MNS1: variants seen among roughly 807,000 people sequenced by gnomAD.
MNS1 encodes meiosis-specific nuclear structural protein 1.
MNS1 carries 63 observed loss-of-function variants against 72.0 expected under a neutral mutation model. The observed-to-expected ratio is 0.87, with a 90% CI of 0.71 to 1.08. MNS1 has a LOEUF of 1.08. MNS1 is among the 50% of genes least tolerant of loss of function. MNS1 has a pLI of 0.00. For synonymous variants in MNS1, 188 were observed against 172.1 expected (o/e 1.09, Z -0.72); for missense variants, 604 against 562.4 (o/e 1.07, Z -0.75).
At position 56,464,104 on chromosome 15, in the gene MNS1, G is replaced by T; in HGVS notation, c.147C>A (p.Asn49Lys). Residue 49 changes from asparagine to lysine, a missense_variant, in exon 2 of 10, where the codon AAC (asparagine) becomes AAA (lysine). Transcript: ENST00000260453. ...TGAGAAATTGCTTGCGCTGAACACG[G>T]TTATCATTTTCATTCTGCACCATTT... is the stretch of plus-strand genomic sequence containing the variant. Reference protein sequence around the residue: ...RNQMVQNENDNRVQRKQFLRL... With the variant: ...RNQMVQNENDKRVQRKQFLRL... The T allele has an allele frequency of 6.2e-7, 1 of 1,614,028 alleles. No homozygotes were observed. The highest frequency in any genetic ancestry group is 8.5e-7 in the Non-Finnish European group (1 of 1,179,996).
At chr15:56,464,298 T>C (rs775803593) in intron 1 of MNS1, 51 bp from the exon 2 acceptor site, 3 of 1,314,704 alleles carry the variant, frequency 2.3e-6, no homozygotes, top group South Asian at 1.4e-5. Context: ...CAAAATCTAA[T>C]TTTAAAAAAT....
At chr15:56,447,169 T>C (rs2050911849) in intron 3 of MNS1, 3 of 386,918 alleles carry the variant, frequency 7.8e-6, no homozygotes, top group South Asian at 4.3e-5. Context: ...TACATTCATC[T>C]GTTTGCTTAT....
Position 56,443,508 on chromosome 15 carries a change from C to T in MNS1, c.933G>A (p.Arg311=). 2 of 1,599,470 alleles carry T rather than the reference C, an allele frequency of 1.3e-6. No homozygotes were observed. Among genetic ancestry groups the T allele is most frequent in the Non-Finnish European group, 1.7e-6 (2 of 1,175,794 alleles). Residue 311 remains arginine, a synonymous_variant, in exon 7 of 10, where the codon CGG becomes CGA. Coordinates refer to ENST00000260453, the MANE Select transcript of MNS1 (RefSeq NM_018365.4). The part of the protein sequence containing the change: ...ALTQKLEEML[R]QREDLEQVRQ... ...GCACTTGTTCCAAATCTTCACGTTGCCGCAGCATTTCTTCTAATTTCTGTG... is the reference window on the plus strand; with the variant it reads ...GCACTTGTTCCAAATCTTCACGTTGTCGCAGCATTTCTTCTAATTTCTGTG...
At chr15:56,458,309 T>C (rs2050994049) in intron 2 of MNS1, among the ~76,000 whole-genome samples, 2 of 152,198 alleles carry the variant, frequency 1.3e-5, no homozygotes, top group South Asian at 4.1e-4. Flanking sequence ...CTTTGAAGTT[T>C]TGGGTTCACA....
At chr15:56,451,234 C>A (rs1327220730) in intron 3 of MNS1, among the ~76,000 whole-genome samples, 1 of 152,166 alleles carries the variant, frequency 6.6e-6, no homozygotes, top group African/African-American at 2.4e-5. Flanking sequence ...TAGGTTAGAA[C>A]AGATATACCC....
intron 7 of MNS1, among the ~76,000 whole-genome samples, chr15:56,440,809 C>T (rs2050804074): frequency 6.6e-6 from 1 of 152,114 alleles, no homozygotes; most frequent in South Asian, 2.1e-4. Context: ...TTAGCATGAT[C>T]AGTCTGTCAT....
At chr15:56,458,031 C>G (rs2050992178) in intron 2 of MNS1, among the ~76,000 whole-genome samples, 1 of 152,120 alleles carries the variant, frequency 6.6e-6, no homozygotes, top group Non-Finnish European at 1.5e-5. Context: ...TGGGATACTA[C>G]TCAGCAATAA....
chr15:56,443,018 G>T (rs1418723036), intron 7 of MNS1, among the ~76,000 whole-genome samples: 1 of 151,946 alleles, frequency 6.6e-6, no homozygotes, highest in Admixed American at 6.6e-5. Flanking sequence ...AGGTTCACAC[G>T]CCTTTAGGAC....
At chr15:56,456,542 C>T (rs374626927) in intron 2 of MNS1, 21 bp from the exon 3 acceptor site, 17 of 1,603,756 alleles carry the variant, frequency 1.1e-5, no homozygotes, top group Admixed American at 1.7e-5. Flanking sequence ...AATTTAACTT[C>T]GTTGTTTGTC....
chr15:56,458,709 G>C (rs1340391163), intron 2 of MNS1, among the ~76,000 whole-genome samples: 1 of 151,980 alleles, frequency 6.6e-6, no homozygotes, highest in Non-Finnish European at 1.5e-5. Context: ...ATACAGAATG[G>C]AGCCTTTTTG....
chr15:56,433,162 A>C (rs948375118), intron 8 of MNS1, among the ~76,000 whole-genome samples: 2 of 145,466 alleles, frequency 1.4e-5, no homozygotes, highest in African/African-American at 5.1e-5. Context: ...TTTCCTCTAT[A>C]CTCTTTCCTT....
At chr15:56,440,617 G>A (rs2050801149) in intron 7 of MNS1, among the ~76,000 whole-genome samples, 1 of 152,030 alleles carries the variant, frequency 6.6e-6, no homozygotes, top group Non-Finnish European at 1.5e-5. Context: ...ACATGCCAAT[G>A]GAATGTTACT....
chr15:56,431,823 A>G (rs1017952369), intron 8 of MNS1, among the ~76,000 whole-genome samples: 1 of 151,996 alleles, frequency 6.6e-6, no homozygotes, highest in Non-Finnish European at 1.5e-5. Flanking sequence ...CTTACCATAT[A>G]CCAGATGCTG....
At chr15:56,464,865 A>G in intron 1 of MNS1, 105 bp downstream of exon 1, 1 of 1,487,944 alleles carries the variant, frequency 6.7e-7, no homozygotes, top group Non-Finnish European at 9.2e-7. Context: ...TCCCCAATTA[A>G]TGACCAGATT....
intron 3 of MNS1, among the ~76,000 whole-genome samples, chr15:56,452,719 C>A (rs2050956150): frequency 6.6e-6 from 1 of 152,076 alleles, no homozygotes; most frequent in Middle Eastern, 3.4e-3. Context: ...GCGGTTTCAC[C>A]GTGTTAGCCA....
Position 56,464,993 on chromosome 15 carries a change from C to T in MNS1, c.-21G>A, listed in dbSNP as rs747573671. The T allele has an allele frequency of 3.7e-6, 6 of 1,608,858 alleles. No homozygotes were observed. The East Asian group carries it at 1.4e-4, about 36-fold the overall frequency. On this transcript the variant is annotated 5_prime_UTR_variant, in exon 1 of 10. Transcript: ENST00000260453. ...ACCATCTTGGCTGACGAAAAATACC[C>T]CCTCTCGTGGGACCGCGGCCACCAC...
chr15:56,437,583 C>T (rs2140340416), intron 7 of MNS1, among the ~76,000 whole-genome samples: 2 of 152,258 alleles, frequency 1.3e-5, no homozygotes, highest in African/African-American at 4.8e-5. Flanking sequence ...TCTCACCACT[C>T]CTATTCAACA....
At chr15:56,440,008 C>T (rs1384466879) in intron 7 of MNS1, among the ~76,000 whole-genome samples, 1 of 152,008 alleles carries the variant, frequency 6.6e-6, no homozygotes, top group African/African-American at 2.4e-5. Flanking sequence ...TTGCTAACCA[C>T]CCACCTGACA....
At chr15:56,455,261 A>C (rs1456225658) in intron 3 of MNS1, among the ~76,000 whole-genome samples, 4 of 151,512 alleles carry the variant, frequency 2.6e-5, no homozygotes, top group South Asian at 4.1e-4. Context: ...AAAAAAAAAA[A>C]AAAAAAAAAA....
Sources: gnomAD v4.1 joint callset for allele counts (sites outside exome capture counted in the v4.1 genomes callset) on GRCh38, gnomAD v4.1.1 for gene constraint, MANE v1.5 for transcripts, NCBI Gene and HGNC (gene_info 2026-07-23, HGNC 2026-07-21) for gene names.